Variants in FANCL observed in about 807,000 individuals in gnomAD.
The protein encoded by FANCL is FA complementation group L.
A neutral mutation model predicts 59.4 loss-of-function variants in FANCL; 69 were observed. That is an observed-to-expected ratio of 1.16 (90% CI 0.96 to 1.42). The LOEUF (loss-of-function observed/expected upper bound fraction) is 1.42. Among genes scored for constraint, FANCL ranks in the 40% most tolerant of loss-of-function variants. The probability of loss-of-function intolerance (pLI) is 0.00; values close to 1 mark genes in which losing one functional copy is unlikely to be tolerated. For synonymous variants in FANCL, 180 were observed against 147.1 expected, an observed-to-expected ratio of 1.22 and a Z score of -1.62; for missense variants, 519 against 447.2, an observed-to-expected ratio of 1.16 and a Z score of -1.45.
chr2:58,183,071 T>C (rs565249638), intron 7 of FANCL, among the ~76,000 whole-genome samples: 1 of 151,840 alleles, frequency 6.6e-6, no homozygotes, highest in African/African-American at 2.4e-5. Flanking sequence ...ATAAGACATA[T>C]AGTACTCATC....
intron 4 of FANCL, among the ~76,000 whole-genome samples, chr2:58,223,824 T>C (rs1281805127): frequency 6.6e-6 from 1 of 151,996 alleles, no homozygotes; most frequent in Non-Finnish European, 1.5e-5. Context: ...GGAAACTCCA[T>C]GGAAGATTTA....
In FANCL at chr2:58,198,633, C is replaced by T. The variant is rs1689677427; in HGVS notation, c.501G>A (p.Val167=). 1 of 1,613,810 alleles carries T rather than the reference C, an allele frequency of 6.2e-7. No individual in the cohort carries two copies. Among genetic ancestry groups the T allele is most frequent in the East Asian group, 2.2e-5 (1 of 44,848 alleles). Residue 167 remains valine, a synonymous_variant, in exon 7 of 14, where the codon GTG becomes GTA. Transcript: ENST00000233741. ...KYPAESPDYF[V]DFPVPFCASW... ...AGGCACAAAATGGAACAGGAAAATC[C>T]ACAAAATAATCTGGTGATTCTGCAG...
chr2:58,226,766 C>T lies in FANCL; in HGVS notation c.235G>A (p.Asp79Asn), dbSNP rs1553456024. 1 of 1,613,014 alleles carries T rather than the reference C, an allele frequency of 6.2e-7. No individual in the cohort carries two copies. The highest frequency in any genetic ancestry group is 8.5e-7 in the Non-Finnish European group (1 of 1,179,504). The change falls in exon 4 of 14, where the codon GAT (aspartate) becomes AAT (asparagine). Residue 79 changes from aspartate to asparagine, a missense_variant. Physicochemically the swap from Asp to Asn is conservative, Grantham distance 23 (BLOSUM62 1). Transcript: ENST00000233741. ...AACTCCATCATAAAGCTCATTAGAT[C>T]AGGAGAGTGCTGCATTCTCTAGATC... is the stretch of plus-strand genomic sequence containing the variant. ...IVQQRMQHSP[D>N]LMSFMMELKM...
chr2:58,171,888 G>A (rs965233517), intron 7 of FANCL, among the ~76,000 whole-genome samples: 2 of 152,166 alleles, frequency 1.3e-5, no homozygotes, highest in Non-Finnish European at 2.9e-5. Flanking sequence ...CCGGAAAATC[G>A]GGTCACTCCC....
At chr2:58,204,262 G>T (rs752884189) in intron 5 of FANCL, 36 bp from the exon 6 acceptor site, 2 of 1,469,082 alleles carry the variant, frequency 1.4e-6, no homozygotes, top group African/African-American at 1.4e-5. Context: ...TGATCACACC[G>T]GGGAGAGCTG....
intron 5 of FANCL, among the ~76,000 whole-genome samples, chr2:58,212,704 C>T (rs947110523): frequency 6.6e-6 from 1 of 151,598 alleles, no homozygotes; most frequent in East Asian, 1.9e-4. Context: ...TAACAGAAAC[C>T]CACCAAGACA....
At chr2:58,213,330 G>C (rs1332108493) in intron 5 of FANCL, among the ~76,000 whole-genome samples, 1 of 152,196 alleles carries the variant, frequency 6.6e-6, no homozygotes, top group African/African-American at 2.4e-5. Flanking sequence ...CTCAGCTTTA[G>C]ATCAGCAGGT....
intron 7 of FANCL, among the ~76,000 whole-genome samples, chr2:58,196,381 T>G (rs1047482954): frequency 2.0e-5 from 3 of 152,078 alleles, no homozygotes; most frequent in Admixed American, 1.3e-4. Flanking sequence ...TGAGTTGTGA[T>G]AAAAGGCTGT....
chr2:58,194,814 A>T (rs1689272692), intron 7 of FANCL, among the ~76,000 whole-genome samples: 1 of 152,018 alleles, frequency 6.6e-6, no homozygotes, highest in African/African-American at 2.4e-5. Context: ...ACCTCTCATC[A>T]GAGCAAAAGA....
chr2:58,171,834 G>C (rs1686658182), intron 7 of FANCL, among the ~76,000 whole-genome samples: 1 of 152,228 alleles, frequency 6.6e-6, no homozygotes, highest in South Asian at 2.1e-4. Context: ...CAAAGGGTCA[G>C]GGAGTTCTCT....
In FANCL at chr2:58,222,164, C is replaced by T. The variant is rs73944838; in HGVS notation, c.274-122G>A. ...CCTAATAAAAGTGCCTGTTTTTTTA[C>T]GGAAATCTGGCTGACTCATTCCCCT... On this transcript the variant is annotated intron_variant, in intron 4 of 13. Transcript: ENST00000233741. 5,398 of 691,226 alleles carry T rather than the reference C, an allele frequency of 7.8e-3. 206 individuals are homozygous for T. In the African/African-American group the frequency reaches 0.086, roughly 11 times the overall value. The allele number at this position is 691,226 out of a possible 1,614,324, so 42.8% of individuals were successfully genotyped here.
rs770846942 is a variant in FANCL, at chr2:58,161,552, T to C, written c.990A>G (p.Gly330=). ...PDQVCDNSQC[G]QPFHQICLYE... is the part of the protein sequence containing the mutation. ...ATAAGCATATTTGATGGAAAGGTTGTCCACACTGAGAATTATCACACACTT... is the reference window on the plus strand; with the variant it reads ...ATAAGCATATTTGATGGAAAGGTTGCCCACACTGAGAATTATCACACACTT... The change falls in exon 12 of 14, where the codon GGA becomes GGG. Residue 330 remains glycine (G), a synonymous_variant. Transcript: ENST00000233741. 1.2e-6 allele frequency: 2 copies of C among 1,610,656 alleles called. No individual in the cohort carries two copies. The highest frequency in any genetic ancestry group is 2.2e-5 in the South Asian group (2 of 90,998).
intron 7 of FANCL, among the ~76,000 whole-genome samples, chr2:58,183,249 A>G (rs1311575967): frequency 6.6e-6 from 1 of 151,972 alleles, no homozygotes; most frequent in Non-Finnish European, 1.5e-5. Context: ...AAGTATATAC[A>G]CGATCAAATA....
At chr2:58,168,449 C>A (rs1393332382) in intron 7 of FANCL, among the ~76,000 whole-genome samples, 1 of 152,172 alleles carries the variant, frequency 6.6e-6, no homozygotes, top group African/African-American at 2.4e-5. Flanking sequence ...TCTTCACAAC[C>A]CGCAGATCAG....
intron 8 of FANCL, among the ~76,000 whole-genome samples, chr2:58,165,027 G>C (rs942119556): frequency 2.0e-5 from 3 of 152,076 alleles, no homozygotes; most frequent in Non-Finnish European, 4.4e-5. Context: ...TAGAAAAAAA[G>C]AAATGGGTAT....
chr2:58,173,615 C>T (rs1339572197), intron 7 of FANCL, among the ~76,000 whole-genome samples: 3 of 151,980 alleles, frequency 2.0e-5, no homozygotes, highest in Non-Finnish European at 4.4e-5. Flanking sequence ...CAGGCCTGCC[C>T]GAAAAGAGCT....
At chr2:58,184,874 A>T (rs1189308106) in intron 7 of FANCL, among the ~76,000 whole-genome samples, 1 of 152,124 alleles carries the variant, frequency 6.6e-6, no homozygotes, top group Non-Finnish European at 1.5e-5. Flanking sequence ...AAACAAGGTG[A>T]GAATAAATAA....
chr2:58,182,357 A>G (rs1035980370), intron 7 of FANCL, among the ~76,000 whole-genome samples: 3 of 151,856 alleles, frequency 2.0e-5, no homozygotes, highest in Non-Finnish European at 2.9e-5. Flanking sequence ...AAAAACCACT[A>G]GTGGAAGAAT....
chr2:58,182,066 G>C lies in FANCL; in HGVS notation c.541-16192C>G, dbSNP rs199527629. On this transcript the variant is annotated intron_variant, in intron 7 of 13. Transcript: ENST00000233741. ...TTGAAATGTCTATGATAAGCATTCT[G>C]AATCAGAGAATCTCAAATAGGCTGA... is the stretch of plus-strand genomic sequence containing the variant. Among the ~76,000 whole-genome samples, 7 of 151,816 alleles carry C rather than the reference G, an allele frequency of 4.6e-5. 1 individual carries two copies. In the East Asian group the frequency reaches 7.7e-4, roughly 17 times the overall value.
Sources: gnomAD v4.1 joint callset for allele counts (sites outside exome capture counted in the v4.1 genomes callset) on GRCh38, gnomAD v4.1.1 for gene constraint, MANE v1.5 for transcripts, NCBI Gene and HGNC (gene_info 2026-07-23, HGNC 2026-07-21) for gene names.